The following SLC36A1 variants were observed in gnomAD, a reference collection of about 807,000 sequenced individuals.
SLC36A1 encodes proton-coupled amino acid transporter 1.
In SLC36A1, 30 loss-of-function variants were observed where a neutral mutation model predicts 47.5. The observed-to-expected ratio is 0.63, with a 90% CI of 0.47 to 0.86. The LOEUF is 0.86. Among genes scored for constraint, SLC36A1 ranks in the 40% least tolerant of loss-of-function variants. The pLI is 0.00. For missense variants in SLC36A1, 517 were observed against 606.0 expected (o/e 0.85, Z 1.54); for synonymous variants, 255 against 249.7 (o/e 1.02, Z -0.20).
chr5:151,505,603 C>T, the SLC36A1 span: 3 of 1,614,100 alleles, frequency 1.9e-6, no homozygotes, highest in African/African-American at 2.7e-5. Context: ...TAATCACTCT[C>T]CACCATGTCA....
the SLC36A1 span, among the ~76,000 whole-genome samples, chr5:151,349,445 A>G: frequency 6.6e-6 from 1 of 152,262 alleles, no homozygotes; most frequent in East Asian, 1.9e-4. Flanking sequence ...AGGCATCCGA[A>G]GCCCTGGGTT....
chr5:151,538,698 G>C, the SLC36A1 span, among the ~76,000 whole-genome samples: 1 of 152,098 alleles, frequency 6.6e-6, no homozygotes, highest in South Asian at 2.1e-4. Flanking sequence ...TCTTTTTTGA[G>C]ACAGAGTCTC....
chr5:151,553,498 A>T, the SLC36A1 span: 2 of 906,318 alleles, frequency 2.2e-6, no homozygotes, highest in Admixed American at 4.2e-5. Context: ...CAGGCCTCTC[A>T]TCCAGTCATT....
the SLC36A1 span, among the ~76,000 whole-genome samples, chr5:151,414,039 A>C: frequency 4.6e-5 from 7 of 152,334 alleles, no homozygotes; most frequent in South Asian, 1.5e-3. Flanking sequence ...AATACTTGCC[A>C]AGTACTTACT....
chr5:151,533,454 C>T, the SLC36A1 span, among the ~76,000 whole-genome samples: 46,655 of 150,832 alleles, frequency 0.31, 7,972 homozygotes, highest in East Asian at 0.47. Context: ...CAGGTCCAGC[C>T]ACCCTGCCTT....
the SLC36A1 span, among the ~76,000 whole-genome samples, chr5:151,528,732 G>A: frequency 3.3e-5 from 5 of 152,042 alleles, no homozygotes; most frequent in African/African-American, 1.2e-4. Context: ...GACAGAACTG[G>A]GTTTCACTCC....
the SLC36A1 span, among the ~76,000 whole-genome samples, chr5:151,526,663 C>T: frequency 6.6e-6 from 1 of 152,154 alleles, no homozygotes; most frequent in Admixed American, 6.5e-5. Context: ...TATTTTTAGT[C>T]AGGTAACTTA....
At chr5:151,550,846 A>G in the SLC36A1 span, 1 of 1,613,338 alleles carries the variant, frequency 6.2e-7, no homozygotes, top group Non-Finnish European at 8.5e-7. Context: ...ATGGTGGTTA[A>G]TGTTGGCAAT....
At position 151,491,980 on chromosome 5, in the gene SLC36A1, T is replaced by A. The variant is rs1470972676; in HGVS notation, c.*3726T>A. ...ATTTCTTCTCTTTCCTTTGTGCCAC[T>A]GAGTCGTTCCCTGGCCAGAGGACAT... On this transcript the variant is annotated 3_prime_UTR_variant, in exon 11 of 11. Transcript: ENST00000243389. 2 of 152,274 alleles carry A rather than the reference T, an allele frequency of 1.3e-5. No homozygotes were observed. Among genetic ancestry groups the A allele is most frequent in the Non-Finnish European group, 2.9e-5 (2 of 68,068 alleles). 9.4% of individuals were successfully genotyped at this position (152,274 alleles called of 1,614,324 possible). A position where few individuals can be genotyped will look rare whatever the true frequency, so the allele number is the denominator to read the frequency against.
chr5:151,483,995 T>C (rs536983158), intron 10 of SLC36A1, among the ~76,000 whole-genome samples: 4 of 152,292 alleles, frequency 2.6e-5, no homozygotes, highest in African/African-American at 9.6e-5. Context: ...TCTTATATAG[T>C]GGTGAAAACA....
the SLC36A1 span, among the ~76,000 whole-genome samples, chr5:151,500,691 TAAATG>T: frequency 6.6e-6 from 1 of 152,024 alleles, no homozygotes. Context: ...TTGTGAGAAT[TAAATG>T]AGATAAGACG....
chr5:151,452,031 CCTT>C (rs998534595), intron 1 of SLC36A1, among the ~76,000 whole-genome samples: 11 of 152,094 alleles, frequency 7.2e-5, no homozygotes, highest in African/African-American at 2.2e-4. Context: ...TGGAGCTTGA[CCTT>C]CTCTAAAGCT....
chr5:151,480,272 G>A, intron 10 of SLC36A1: 1 of 431,500 alleles, frequency 2.3e-6, no homozygotes, highest in South Asian at 6.6e-5. Context: ...CCTCTTTTTG[G>A]CTCTATTTGG....
chr5:151,381,813 A>T, the SLC36A1 span, among the ~76,000 whole-genome samples: 1 of 152,106 alleles, frequency 6.6e-6, no homozygotes. Context: ...CCACCATGTT[A>T]TCCTTAAAAA....
chr5:151,378,138 A>C, the SLC36A1 span: 3 of 326,774 alleles, frequency 9.2e-6, no homozygotes, highest in African/African-American at 6.7e-5. Context: ...GTCTCCATGC[A>C]AGAAAAAGGT....
chr5:151,398,799 T>A, the SLC36A1 span, among the ~76,000 whole-genome samples: 2 of 152,230 alleles, frequency 1.3e-5, no homozygotes, highest in African/African-American at 4.8e-5. Context: ...ATTTAACACA[T>A]GCTCTTGGAC....
At chr5:151,507,188 A>G in the SLC36A1 span, 3 of 1,603,382 alleles carry the variant, frequency 1.9e-6, no homozygotes, top group Non-Finnish European at 2.6e-6. Context: ...TCTTAATGAC[A>G]GGCTCATTGT....
the SLC36A1 span, among the ~76,000 whole-genome samples, chr5:151,401,362 C>T: frequency 6.6e-6 from 1 of 152,144 alleles, no homozygotes; most frequent in African/African-American, 2.4e-5. Context: ...TCTGTGTTCT[C>T]TGTTCTGTTC....
the SLC36A1 span, chr5:151,543,168 T>C: frequency 1.9e-6 from 3 of 1,614,158 alleles, no homozygotes; most frequent in Admixed American, 5.0e-5. Flanking sequence ...GGGTCTGATT[T>C]TCCAATCCCA....
Sources: gnomAD v4.1 joint callset for allele counts (sites outside exome capture counted in the v4.1 genomes callset) on GRCh38, gnomAD v4.1.1 for gene constraint, MANE v1.5 for transcripts, NCBI Gene and HGNC (gene_info 2026-07-23, HGNC 2026-07-21) for gene names.